The following KIF26B variants were observed in gnomAD, a reference collection of about 807,000 sequenced individuals.
The protein encoded by KIF26B is kinesin-like protein KIF26B.
KIF26B carries 63 observed loss-of-function variants against 151.2 expected under a neutral mutation model. The observed-to-expected ratio is 0.42, with a 90% confidence interval of 0.34 to 0.51. The LOEUF is 0.51. Ranked by LOEUF, KIF26B falls within the 20% of genes least tolerant of loss-of-function variation. The pLI, the probability that KIF26B is intolerant of heterozygous loss-of-function variation, is 0.07. For synonymous variants in KIF26B, 1,357 were observed against 1,262.1 expected, an observed-to-expected ratio of 1.08 and a Z score of -1.59; for missense variants, 2,813 against 2,913.6, an observed-to-expected ratio of 0.97 and a Z score of 0.79.
chr1:245,517,570 GAGCGCT>G (rs1352440592), intron 4 of KIF26B, among the ~76,000 whole-genome samples: 1 of 152,152 alleles, frequency 6.6e-6, no homozygotes. Context: ...AACATTTATT[GAGCGCT>G]TGATGTATTA....
intron 4 of KIF26B, among the ~76,000 whole-genome samples, chr1:245,471,225 G>A (rs1659906704): frequency 6.6e-6 from 1 of 151,804 alleles, no homozygotes; most frequent in Non-Finnish European, 1.5e-5. Context: ...CCACCTCCCA[G>A]GTTCGTGCAG....
chr1:245,640,122 G>GCTCGCTCTCTCTGTCTCTCTCTCTCT (rs1553299289), intron 9 of KIF26B, among the ~76,000 whole-genome samples: 1 of 53,974 alleles, frequency 1.9e-5, no homozygotes, highest in Non-Finnish European at 3.6e-5. Flanking sequence ...ACTAATATTT[G>GCTCGCTCTCTCTGTCTCTCTCTCTCT]CTCTCTCTCT....
At chr1:245,205,168 T>C (rs1443933780) in intron 2 of KIF26B, among the ~76,000 whole-genome samples, 2 of 152,208 alleles carry the variant, frequency 1.3e-5, no homozygotes, top group Non-Finnish European at 2.9e-5. Flanking sequence ...TCTGTAAATA[T>C]GGCCGTAGAG....
chr1:245,586,333 T>A (rs557844378), intron 5 of KIF26B, among the ~76,000 whole-genome samples: 1 of 151,858 alleles, frequency 6.6e-6, no homozygotes, highest in East Asian at 2.0e-4. Context: ...ACTAACTTCA[T>A]AACACTCCAA....
At chr1:245,493,877 A>G (rs954666203) in intron 4 of KIF26B, among the ~76,000 whole-genome samples, 4 of 152,218 alleles carry the variant, frequency 2.6e-5, no homozygotes, top group African/African-American at 9.6e-5. Context: ...GAAGAGACAG[A>G]AAAGTGAACT....
At chr1:245,661,694 G>T in intron 10 of KIF26B, among the ~76,000 whole-genome samples, 1 of 117,200 alleles carries the variant, frequency 8.5e-6, no homozygotes, top group African/African-American at 3.3e-5. Context: ...TACACCCAAT[G>T]TTATACATAT....
At chr1:245,165,041 A>G (rs1445100406) in intron 2 of KIF26B, among the ~76,000 whole-genome samples, 1 of 150,422 alleles carries the variant, frequency 6.6e-6, no homozygotes, top group Non-Finnish European at 1.5e-5. Flanking sequence ...ACTGCACTCC[A>G]GCGTGGGTGA....
chr1:245,465,671 T>A (rs776946435), intron 4 of KIF26B, among the ~76,000 whole-genome samples: 2 of 152,132 alleles, frequency 1.3e-5, no homozygotes, highest in Non-Finnish European at 2.9e-5. Context: ...GCGCGCTGCG[T>A]CTAACGGAGA....
chr1:245,502,344 T>A (rs76471123), intron 4 of KIF26B, among the ~76,000 whole-genome samples: 11,290 of 152,022 alleles, frequency 0.074, 841 homozygotes, highest in East Asian at 0.4. Flanking sequence ...CTAACCAACA[T>A]GGTGAAACCC....
chr1:245,445,503 C>T (rs1242426303), intron 4 of KIF26B, among the ~76,000 whole-genome samples: 1 of 152,176 alleles, frequency 6.6e-6, no homozygotes, highest in African/African-American at 2.4e-5. Context: ...TGTATGCATG[C>T]ATGTGCGCAC....
intron 9 of KIF26B, among the ~76,000 whole-genome samples, chr1:245,621,714 C>A (rs368277158): frequency 2.6e-5 from 4 of 152,186 alleles, no homozygotes; most frequent in East Asian, 1.9e-4. Context: ...CCCCAGCCGC[C>A]GGAAGTGATG....
At chr1:245,390,004 T>G (rs1370043580) in intron 3 of KIF26B, among the ~76,000 whole-genome samples, 3 of 152,198 alleles carry the variant, frequency 2.0e-5, no homozygotes, top group Non-Finnish European at 4.4e-5. Flanking sequence ...GAAACTATTT[T>G]CATGTAATAC....
rs543316160 is a variant in KIF26B, at chr1:245,651,088, T to C, written c.2258+4808T>C. Among the ~76,000 whole-genome samples, 16 of 152,300 alleles carry C rather than the reference T, an allele frequency of 1.1e-4. No homozygotes were observed. In the East Asian group the frequency reaches 2.9e-3, roughly 28 times the overall value. On this transcript the variant is annotated intron_variant, in intron 10 of 14. Transcript: ENST00000407071. ...GCAAACACCGCAGGCAACATCCACTTCCAGAAGGCTGTGTTCCACAAAAGC... is the reference window on the plus strand; with the variant it reads ...GCAAACACCGCAGGCAACATCCACTCCCAGAAGGCTGTGTTCCACAAAAGC...
At chr1:245,697,273 A>T (rs2044707836) in intron 12 of KIF26B, among the ~76,000 whole-genome samples, 1 of 152,124 alleles carries the variant, frequency 6.6e-6, no homozygotes, top group Admixed American at 6.5e-5. Flanking sequence ...ACCATGCAAG[A>T]GTTTAGTCTC....
In KIF26B at chr1:245,211,963, G is replaced by A. The variant is rs533894468; in HGVS notation, c.465+55280G>A. The stretch of plus-strand genomic sequence containing the variant: ...CGACTGCTCCTCAGCGGGGGCCTGG[G>A]AGGGGGCTGAAAAGCCTGGGGCTGG... On this transcript the variant is annotated intron_variant, in intron 2 of 14. Transcript: ENST00000407071. 6.6e-5 allele frequency among the ~76,000 whole-genome samples: 10 copies of A among 152,304 alleles called. No homozygotes were observed. The South Asian group carries it at 2.1e-3, about 32-fold the overall frequency.
At chr1:245,192,151 A>T (rs764591339) in intron 2 of KIF26B, among the ~76,000 whole-genome samples, 1 of 152,228 alleles carries the variant, frequency 6.6e-6, no homozygotes, top group Non-Finnish European at 1.5e-5. Context: ...CATGTTCAGC[A>T]TTAGGGAAAT....
chr1:245,546,619 CAATTCTGGATCCCACTGGATCCCAGTA>C (rs1572118179), intron 5 of KIF26B, among the ~76,000 whole-genome samples: 1 of 152,206 alleles, frequency 6.6e-6, no homozygotes, highest in South Asian at 2.1e-4. Context: ...ATGTGATGGA[CAATTCTGGATCCCACTGGATCCCAGTA>C]GATTCTGGAT....
At chr1:245,458,425 C>T (rs1410120811) in intron 4 of KIF26B, among the ~76,000 whole-genome samples, 1 of 152,160 alleles carries the variant, frequency 6.6e-6, no homozygotes, top group Non-Finnish European at 1.5e-5. Context: ...AAGGTCCGCC[C>T]GTCAGTGACT....
rs117665077 is a variant in KIF26B at position 245,156,085 on chromosome 1, A to C, written c.64-197A>C. Among the ~76,000 whole-genome samples, 132 of 152,246 alleles carry C rather than the reference A, an allele frequency of 8.7e-4. No individual in the cohort carries two copies. The East Asian group carries it at 0.025, about 29-fold the overall frequency. On this transcript the variant is annotated intron_variant, in intron 1 of 14. Transcript: ENST00000407071. ...GCCACCGGGGACCAGCGCAGGGGTC[A>C]CCTGGGCGGTGGGGACTCACTTAAG...
Sources: gnomAD v4.1 joint callset for allele counts (sites outside exome capture counted in the v4.1 genomes callset) on GRCh38, gnomAD v4.1.1 for gene constraint, MANE v1.5 for transcripts, NCBI Gene and HGNC (gene_info 2026-07-23, HGNC 2026-07-21) for gene names.